Variants in USP42 observed in about 807,000 individuals in gnomAD.
USP42 encodes the protein ubiquitin specific peptidase 42.
A neutral mutation model predicts 113.0 loss-of-function variants in USP42; 23 were observed. The observed-to-expected ratio is 0.20, with a 90% CI of 0.15 to 0.29. The LOEUF is 0.29. USP42 is among the 10% of genes least tolerant of loss of function. The pLI, the probability that USP42 is intolerant of heterozygous loss-of-function variation, is 1.00. For synonymous variants in USP42, 933 were observed against 699.0 expected (o/e 1.33, Z -5.28); for missense variants, 2,174 against 1,779.8 (o/e 1.22, Z -3.99).
At chr7:6,156,634 G>A in intron 15 of USP42, 120 bp from the exon 16 acceptor site, 5 of 1,396,604 alleles carry the variant, frequency 3.6e-6, no homozygotes, top group Non-Finnish European at 4.6e-6. Context: ...AATTAGATAA[G>A]AATTGTGCGT....
At position 6,159,631 on chromosome 7, in the gene USP42, G is replaced by A; in HGVS notation, c.*36+138G>A. ...CAGAGCCATGGAGAGGCCCCGGCAG[G>A]TTCCCAGCCAGCCCAGACCCAGGCC... On this transcript the variant is annotated intron_variant, in intron 17 of 17. Transcript: ENST00000306177. This position sits in a 1 kb window ranked among gnomAD's most constrained non-coding sequence, Gnocchi z 4.1. 1.2e-6 allele frequency: 1 copy of A among 846,978 alleles called. No homozygotes were observed. Among genetic ancestry groups the A allele is most frequent in the Non-Finnish European group, 1.8e-6 (1 of 544,688 alleles). The allele number at this position is 846,978 out of a possible 1,614,324, so 52.5% of individuals were successfully genotyped here.
At chr7:6,129,237 C>G (rs910578283) in intron 3 of USP42, among the ~76,000 whole-genome samples, 5 of 152,188 alleles carry the variant, frequency 3.3e-5, no homozygotes, top group Admixed American at 3.3e-4. Context: ...GTCCTTTACT[C>G]TCCACTAGTT....
rs2128529277 is a variant in USP42 at position 6,159,309 on chromosome 7, C to T, written c.3944-141C>T. 8 of 1,043,900 alleles carry T rather than the reference C, an allele frequency of 7.7e-6. No homozygotes were observed. The highest frequency in any genetic ancestry group is 1.0e-5 in the Non-Finnish European group (7 of 694,636). 64.7% of individuals were successfully genotyped at this position (1,043,900 alleles called of 1,614,324 possible). On this transcript the variant is annotated intron_variant, in intron 16 of 17. Transcript: ENST00000306177. The surrounding 1 kb of genome is among the most constrained non-coding windows in gnomAD (Gnocchi z 4.1). ...CGCTGAGCGCTGGGACATCCCTGCT[C>T]ACCTCACTGGGGAGTGGCCTCAGGC... is the stretch of plus-strand genomic sequence containing the variant.
At chr7:6,087,507 T>A in the USP42 span, among the ~76,000 whole-genome samples, 1 of 150,372 alleles carries the variant, frequency 6.7e-6, no homozygotes. Context: ...TGTCTCATTT[T>A]AAAATTTTTT....
chr7:6,127,653 A>C (rs1474508345), intron 3 of USP42, among the ~76,000 whole-genome samples: 1 of 152,224 alleles, frequency 6.6e-6, no homozygotes, highest in Non-Finnish European at 1.5e-5. Context: ...ACCACTCTAC[A>C]CAAGTCCTTG....
the USP42 span, chr7:6,093,219 T>C: frequency 7.2e-6 from 1 of 139,224 alleles, no homozygotes; most frequent in Non-Finnish European, 1.5e-5. Context: ...CTTTCTTCCT[T>C]CCTCCCTCCC....
In USP42 at chr7:6,135,766, C is replaced by G. The variant is rs985245505; in HGVS notation, c.443-75C>G. The G allele has an allele frequency of 5.5e-6, 4 of 727,984 alleles. No homozygotes were observed. In the African/African-American group the frequency reaches 7.3e-5, roughly 13 times the overall value. The allele number at this position is 727,984 out of a possible 1,614,324, so 45.1% of individuals were successfully genotyped here. ...ATTATTTCATTTCAGGTGTGTGCCCCTGATTTGTAATTAGCCTTGATGTGT... is the reference window on the plus strand; with the variant it reads ...ATTATTTCATTTCAGGTGTGTGCCCGTGATTTGTAATTAGCCTTGATGTGT... On this transcript the variant is annotated intron_variant, in intron 3 of 17. Transcript: ENST00000306177.
At chr7:6,133,029 T>C (rs918685937) in intron 3 of USP42, among the ~76,000 whole-genome samples, 2 of 152,160 alleles carry the variant, frequency 1.3e-5, no homozygotes, top group African/African-American at 4.8e-5. Context: ...TAAGTAGGGG[T>C]CCTTTGTGTA....
upstream of USP42, among the ~76,000 whole-genome samples, chr7:6,102,229 C>T (rs1190588637): frequency 4.7e-5 from 7 of 148,296 alleles, no homozygotes; most frequent in Non-Finnish European, 1.0e-4. Context: ...GATTCTCCTG[C>T]CTCAGCCTCC....
rs575326198 is a variant in USP42, at chr7:6,160,875, A to T, written c.*357A>T. On this transcript the variant is annotated 3_prime_UTR_variant, in exon 18 of 18. Coordinates refer to ENST00000306177, the MANE Select transcript of USP42 (RefSeq NM_032172.3). ...TTCATGTAATGTTCCTCCAAGTTAG[A>T]CATCTGGTGCAAGACCAACCGGGAG... 8 of 152,748 alleles carry T rather than the reference A, an allele frequency of 5.2e-5. No individual in the cohort carries two copies. The South Asian group carries it at 1.7e-3, about 32-fold the overall frequency. The allele number at this position is 152,748 out of a possible 1,614,324, so 9.5% of individuals were successfully genotyped here.
At chr7:6,144,602 GC>G (rs1369611174) in intron 9 of USP42, among the ~76,000 whole-genome samples, 1 of 152,172 alleles carries the variant, frequency 6.6e-6, no homozygotes, top group African/African-American at 2.4e-5. Flanking sequence ...GAGTGTGGTG[GC>G]TCACGCCCGT....
chr7:6,123,006 G>A (rs1017200836), intron 3 of USP42, among the ~76,000 whole-genome samples: 6 of 151,466 alleles, frequency 4.0e-5, no homozygotes, highest in Non-Finnish European at 8.8e-5. Flanking sequence ...GTATTTTTTA[G>A]TAGTGATGGG....
At chr7:6,124,226 T>G (rs1780396731) in intron 3 of USP42, among the ~76,000 whole-genome samples, 1 of 152,012 alleles carries the variant, frequency 6.6e-6, no homozygotes, top group African/African-American at 2.4e-5. Context: ...TTTTCCATCT[T>G]TTTATCTTTA....
Position 6,154,762 on chromosome 7 carries a change from G to A in USP42, c.3208G>A (p.Ala1070Thr), listed in dbSNP as rs1357485604. 11 of 1,557,934 alleles carry A rather than the reference G, an allele frequency of 7.1e-6. No homozygotes were observed. Among genetic ancestry groups the A allele is most frequent in the Non-Finnish European group, 9.5e-6 (11 of 1,152,506 alleles). The stretch of plus-strand genomic sequence containing the variant: ...CTACCATGACAGGTACGCCCTGTAC[G>A]CTGCCCGGGACTGGAAGCCCTTCCA... ...RYYHDRYALYAARDWKPFHGG... is the reference protein window; with the variant it reads ...RYYHDRYALYTARDWKPFHGG... The change falls in exon 15 of 18, where the codon GCT becomes ACT. Residue 1070 changes from alanine (A) to threonine (T), a missense_variant. Coordinates refer to ENST00000306177, the MANE Select transcript of USP42 (RefSeq NM_032172.3).
chr7:6,144,010 A>G (rs1469021686), intron 8 of USP42, 75 bp from the exon 9 acceptor site: 4 of 965,810 alleles, frequency 4.1e-6, no homozygotes. Flanking sequence ...GAGAATAGTA[A>G]CAAGAAAGAC....
upstream of USP42, among the ~76,000 whole-genome samples, chr7:6,100,315 GATTT>G (rs146304028): frequency 0.07 from 10,539 of 150,210 alleles, 665 homozygotes; most frequent in East Asian, 0.28. Context: ...ATTGCCTGGA[GATTT>G]ATTTATTTAT....
chr7:6,161,473 CTT>C lies in USP42; in HGVS notation c.*957_*958del, dbSNP rs1199015361. 5 of 152,522 alleles carry C rather than the reference CTT, an allele frequency of 3.3e-5. No homozygotes were observed. The highest frequency in any genetic ancestry group is 7.4e-5 in the Non-Finnish European group (5 of 68,018). 9.4% of individuals were successfully genotyped at this position (152,522 alleles called of 1,614,324 possible). A position where few individuals can be genotyped will look rare whatever the true frequency, so the allele number is the denominator to read the frequency against. ...TGTTCAGAGATGTTTAAAGTTTGAT[CTT>C]TGTTTTTCTAAAGATTAAAAAAGCA... is the stretch of plus-strand genomic sequence containing the variant. On this transcript the variant is annotated 3_prime_UTR_variant, in exon 18 of 18. Coordinates refer to ENST00000306177, the MANE Select transcript of USP42 (RefSeq NM_032172.3).
At chr7:6,097,655 AT>A in the USP42 span, among the ~76,000 whole-genome samples, 1 of 149,562 alleles carries the variant, frequency 6.7e-6, no homozygotes, top group Non-Finnish European at 1.5e-5. Context: ...CAGTGGCACA[AT>A]CTCAGCTCAC....
chr7:6,134,369 C>T (rs1223197695), intron 3 of USP42, among the ~76,000 whole-genome samples: 3 of 152,054 alleles, frequency 2.0e-5, no homozygotes, highest in African/African-American at 4.8e-5. Context: ...GTGCCTTGTA[C>T]TGTTTGATTG....
Sources: gnomAD v4.1 joint callset for allele counts (sites outside exome capture counted in the v4.1 genomes callset) on GRCh38, gnomAD v4.1.1 for gene constraint, Gnocchi (gnomAD v3.1) non-coding constraint, MANE v1.5 for transcripts, NCBI Gene and HGNC (gene_info 2026-07-23, HGNC 2026-07-21) for gene names.